The following CCDC7 variants were observed in gnomAD, a reference collection of about 807,000 sequenced individuals.
CCDC7 encodes coiled-coil domain-containing protein 7.
A neutral mutation model predicts 196.9 loss-of-function variants in CCDC7; 183 were observed. The observed-to-expected ratio is 0.93, with a 90% CI of 0.82 to 1.05. The LOEUF (loss-of-function observed/expected upper bound fraction) is 1.05, where lower values mean the gene tolerates loss of function less well. CCDC7 is among the 50% of genes least tolerant of loss of function. The pLI is 0.00. For synonymous variants in CCDC7, 525 were observed against 484.6 expected (o/e 1.08, Z -1.10); for missense variants, 1,540 against 1,482.2 (o/e 1.04, Z -0.64).
chr10:32,486,855 A>T (rs1163692926), intron 8 of CCDC7, among the ~76,000 whole-genome samples: 1 of 151,804 alleles, frequency 6.6e-6, no homozygotes, highest in African/African-American at 2.4e-5. Flanking sequence ...TTCTGCCGAG[A>T]GATCAGCTGT....
At chr10:32,633,018 A>C (rs1348887939) in intron 18 of CCDC7, among the ~76,000 whole-genome samples, 2 of 152,044 alleles carry the variant, frequency 1.3e-5, no homozygotes, top group African/African-American at 4.8e-5. Flanking sequence ...TTAGTTGTTC[A>C]GTCTATTATT....
chr10:32,568,496 G>T (rs1449736668), intron 15 of CCDC7, among the ~76,000 whole-genome samples: 1 of 151,610 alleles, frequency 6.6e-6, no homozygotes, highest in Non-Finnish European at 1.5e-5. Context: ...CTTCTTCCTG[G>T]AAAGATAAAT....
At chr10:32,715,157 G>C (rs1178211366) in intron 25 of CCDC7, among the ~76,000 whole-genome samples, 1 of 152,164 alleles carries the variant, frequency 6.6e-6, no homozygotes, top group Admixed American at 6.5e-5. Context: ...GCTCCAGCTG[G>C]CATCTGGCCG....
At chr10:32,552,631 C>T (rs76185429) in intron 13 of CCDC7, among the ~76,000 whole-genome samples, 4 of 152,132 alleles carry the variant, frequency 2.6e-5, no homozygotes, top group African/African-American at 9.7e-5. Context: ...CGAATTCTCT[C>T]ACCATTTGTT....
chr10:32,780,944 T>C (rs2080965601), intron 29 of CCDC7, among the ~76,000 whole-genome samples: 1 of 151,822 alleles, frequency 6.6e-6, no homozygotes, highest in Non-Finnish European at 1.5e-5. Context: ...TAGAGAAAAA[T>C]AATAAAGTTG....
At chr10:32,720,338 C>T (rs552470620) in intron 25 of CCDC7, among the ~76,000 whole-genome samples, 6 of 151,970 alleles carry the variant, frequency 3.9e-5, no homozygotes, top group South Asian at 2.1e-4. Context: ...AACCAAACAC[C>T]GCATGTTCTC....
intron 20 of CCDC7, among the ~76,000 whole-genome samples, chr10:32,642,721 GC>G (rs1490020979): frequency 6.6e-6 from 1 of 152,204 alleles, no homozygotes; most frequent in African/African-American, 2.4e-5. Context: ...GGTTGGAAAT[GC>G]AGAAATCATC....
At position 32,805,070 on chromosome 10, in the gene CCDC7, A is replaced by G. The variant is rs752701489; in HGVS notation, c.3069A>G (p.Glu1023=). 3.1e-6 allele frequency: 5 copies of G among 1,611,716 alleles called. No homozygotes were observed. In the Admixed American group the frequency reaches 8.3e-5, roughly 27 times the overall value. Residue 1023 remains glutamate, a synonymous_variant, in exon 30 of 42, where the codon GAA becomes GAG. Transcript: ENST00000639629. ...TGGGAAGACGCTTATTAAATGATGA[A>G]TTCAAGACACAGTCAAAGAGTTTCC...
chr10:32,584,028 T>C (rs2058993433), intron 17 of CCDC7, among the ~76,000 whole-genome samples: 1 of 152,166 alleles, frequency 6.6e-6, no homozygotes, highest in Non-Finnish European at 1.5e-5. Flanking sequence ...GTGTTCCCAA[T>C]TGCCTCTCAG....
At chr10:32,558,360 T>G (rs2054712633) in intron 13 of CCDC7, among the ~76,000 whole-genome samples, 1 of 152,214 alleles carries the variant, frequency 6.6e-6, no homozygotes, top group Admixed American at 6.5e-5. Context: ...GCATTTTAGT[T>G]TTTTTAGCTT....
At chr10:32,755,287 G>A (rs913954567) in intron 28 of CCDC7, among the ~76,000 whole-genome samples, 6 of 152,180 alleles carry the variant, frequency 3.9e-5, no homozygotes, top group African/African-American at 1.2e-4. Context: ...CCAGCATGGA[G>A]TTTGAGATCT....
chr10:32,459,482 A>G (rs890023346), intron 3 of CCDC7, among the ~76,000 whole-genome samples: 1 of 152,068 alleles, frequency 6.6e-6, no homozygotes, highest in Non-Finnish European at 1.5e-5. Flanking sequence ...TACTGTGCTC[A>G]AGGAAGGGGT....
chr10:32,808,751 C>T (rs894814270), intron 30 of CCDC7, among the ~76,000 whole-genome samples: 2 of 152,142 alleles, frequency 1.3e-5, no homozygotes, highest in East Asian at 1.9e-4. Context: ...CAAAGCCTCA[C>T]GGCAGCATCC....
chr10:32,526,493 C>T (rs2048695749), intron 11 of CCDC7, among the ~76,000 whole-genome samples: 1 of 152,108 alleles, frequency 6.6e-6, no homozygotes, highest in Non-Finnish European at 1.5e-5. Flanking sequence ...GAGTCTTTCA[C>T]CATAACCTCT....
intron 21 of CCDC7, among the ~76,000 whole-genome samples, chr10:32,683,896 C>G (rs1455681523): frequency 6.6e-6 from 1 of 152,176 alleles, no homozygotes; most frequent in Non-Finnish European, 1.5e-5. Context: ...AGCAGTGTGG[C>G]TGTTTTTCTT....
intron 28 of CCDC7, among the ~76,000 whole-genome samples, chr10:32,743,005 C>T (rs1027633895): frequency 1.3e-5 from 2 of 152,140 alleles, no homozygotes; most frequent in African/African-American, 4.8e-5. Flanking sequence ...TTCCTTTTAG[C>T]CCTGAGTAGT....
intron 9 of CCDC7, among the ~76,000 whole-genome samples, chr10:32,510,498 AC>A (rs1291769830): frequency 6.6e-6 from 1 of 152,232 alleles, no homozygotes; most frequent in Non-Finnish European, 1.5e-5. Flanking sequence ...ATGAGGGCAG[AC>A]GGAAACATTT....
At chr10:32,598,433 C>T (rs1472345589) in intron 18 of CCDC7, among the ~76,000 whole-genome samples, 7 of 152,158 alleles carry the variant, frequency 4.6e-5, no homozygotes, top group African/African-American at 1.7e-4. Flanking sequence ...AAAGGGAATT[C>T]CCTGATCCCT....
intron 24 of CCDC7, among the ~76,000 whole-genome samples, chr10:32,695,953 C>T (rs1367409927): frequency 6.6e-6 from 1 of 151,716 alleles, no homozygotes; most frequent in Non-Finnish European, 1.5e-5. Context: ...AAGCAAAAGG[C>T]CAGATGGTGA....
Sources: gnomAD v4.1 joint callset for allele counts (sites outside exome capture counted in the v4.1 genomes callset) on GRCh38, gnomAD v4.1.1 for gene constraint, MANE v1.5 for transcripts, NCBI Gene and HGNC (gene_info 2026-07-23, HGNC 2026-07-21) for gene names.